The following ATP6V0E1 variants were observed in gnomAD, a reference collection of about 807,000 sequenced individuals.
The protein encoded by ATP6V0E1 is V-type proton ATPase subunit e 1.
Under a neutral mutation model 11.6 loss-of-function variants are expected in ATP6V0E1, and 4 were observed. That is an observed-to-expected ratio of 0.35 (90% confidence interval 0.17 to 0.79). ATP6V0E1 has a LOEUF of 0.79. ATP6V0E1 is among the 30% of genes least tolerant of loss of function. The pLI is 0.54. For synonymous variants in ATP6V0E1, 36 were observed against 34.8 expected (o/e 1.04, Z -0.13); for missense variants, 105 against 100.0 (o/e 1.05, Z -0.21).
intron 2 of ATP6V0E1, among the ~76,000 whole-genome samples, chr5:173,016,771 C>T (rs538561499): frequency 6.6e-6 from 1 of 152,098 alleles, no homozygotes; most frequent in Non-Finnish European, 1.5e-5. Context: ...TCAGTGTGTC[C>T]GCCTGTGCTG....
chr5:173,008,009 C>G (rs1318669195), intron 2 of ATP6V0E1, among the ~76,000 whole-genome samples: 8 of 152,324 alleles, frequency 5.3e-5, no homozygotes, highest in Non-Finnish European at 1.0e-4. Context: ...CAAAGAGGTA[C>G]CACGTTCTGG....
At chr5:172,989,071 G>C (rs1432383614) in intron 1 of ATP6V0E1, among the ~76,000 whole-genome samples, 3 of 152,136 alleles carry the variant, frequency 2.0e-5, no homozygotes, top group Admixed American at 6.6e-5. Context: ...GGCCTGACAT[G>C]GTGGCTCACA....
At chr5:173,025,143 C>CTTT (rs539174415) in intron 3 of ATP6V0E1, among the ~76,000 whole-genome samples, 1 of 103,136 alleles carries the variant, frequency 9.7e-6, no homozygotes, top group Non-Finnish European at 2.0e-5. Context: ...GCCTGGCATT[C>CTTT]TTTTTTTTTT....
At chr5:173,022,674 AC>A (rs1756503573) in intron 3 of ATP6V0E1, among the ~76,000 whole-genome samples, 1 of 151,628 alleles carries the variant, frequency 6.6e-6, no homozygotes, top group African/African-American at 2.4e-5. Context: ...AGTCTCTGTC[AC>A]CCAGCTGGAA....
intron 3 of ATP6V0E1, 83 bp from the exon 4 acceptor site, chr5:173,034,316 C>T: frequency 1.4e-6 from 1 of 695,000 alleles, no homozygotes; most frequent in South Asian, 1.5e-5. Context: ...AAAGTGTTGG[C>T]TTGGTTAACT....
chr5:172,994,329 T>G (rs760163530), intron 1 of ATP6V0E1, among the ~76,000 whole-genome samples: 6 of 152,144 alleles, frequency 3.9e-5, no homozygotes, highest in African/African-American at 9.7e-5. Context: ...TTAGAAATGT[T>G]GAAATTCTGC....
intron 2 of ATP6V0E1, among the ~76,000 whole-genome samples, chr5:173,014,813 GTTTC>G (rs1371934554): frequency 3.9e-5 from 6 of 152,048 alleles, no homozygotes; most frequent in Admixed American, 3.9e-4. Context: ...GAGGAAATAA[GTTTC>G]TTCTATGTTT....
intron 1 of ATP6V0E1, among the ~76,000 whole-genome samples, chr5:172,990,184 A>G (rs1755958789): frequency 6.6e-6 from 1 of 152,076 alleles, no homozygotes; most frequent in Non-Finnish European, 1.5e-5. Context: ...AAAATAGCCT[A>G]CGATCACTTG....
chr5:173,029,901 T>C (rs559132691), intron 3 of ATP6V0E1, among the ~76,000 whole-genome samples: 2 of 152,310 alleles, frequency 1.3e-5, no homozygotes, highest in African/African-American at 4.8e-5. Context: ...TACTTTCCCC[T>C]CCAGGCCCTA....
Position 173,005,127 on chromosome 5 carries a change from C to T in ATP6V0E1, c.152+10305C>T, listed in dbSNP as rs114581847. The stretch of plus-strand genomic sequence containing the variant: ...TGTTTTGGTTATTCTAAAATAGCCA[C>T]ATATATTTTAAAATCAACTAGGCAG... On this transcript the variant is annotated intron_variant, in intron 2 of 3. Transcript: ENST00000519374. 4.9e-3 allele frequency among the ~76,000 whole-genome samples: 738 copies of T among 149,788 alleles called. 7 individuals carry two copies. Among genetic ancestry groups the T allele is most frequent in the African/African-American group, 0.017 (702 of 40,764 alleles).
intron 2 of ATP6V0E1, among the ~76,000 whole-genome samples, chr5:172,998,722 C>T (rs1257397430): frequency 6.6e-6 from 1 of 151,898 alleles, no homozygotes; most frequent in Non-Finnish European, 1.5e-5. Context: ...CTATGGAAAT[C>T]AGTAAGGGAG....
At chr5:173,023,836 C>T (rs1290125988) in intron 3 of ATP6V0E1, among the ~76,000 whole-genome samples, 2 of 151,972 alleles carry the variant, frequency 1.3e-5, no homozygotes, top group Non-Finnish European at 2.9e-5. Flanking sequence ...CAAAGCAAGA[C>T]TCTGTCTCAA....
At chr5:173,028,838 T>A (rs1168956137) in intron 3 of ATP6V0E1, among the ~76,000 whole-genome samples, 1 of 152,222 alleles carries the variant, frequency 6.6e-6, no homozygotes, top group Admixed American at 6.5e-5. Context: ...TATGTGGGAC[T>A]CTAATGTCAA....
At chr5:173,014,904 T>C (rs1325563961) in intron 2 of ATP6V0E1, among the ~76,000 whole-genome samples, 1 of 152,210 alleles carries the variant, frequency 6.6e-6, no homozygotes, top group African/African-American at 2.4e-5. Flanking sequence ...GGACTTGAAA[T>C]GATACCAACA....
chr5:172,994,227 G>C (rs1184497462), intron 1 of ATP6V0E1, among the ~76,000 whole-genome samples: 2 of 152,118 alleles, frequency 1.3e-5, no homozygotes, highest in Non-Finnish European at 2.9e-5. Flanking sequence ...GGGTCGGTTG[G>C]GTGAAAATGG....
Position 173,004,680 on chromosome 5 carries a change from T to C in ATP6V0E1, c.152+9858T>C, listed in dbSNP as rs113617723. 3.7e-3 allele frequency among the ~76,000 whole-genome samples: 565 copies of C among 152,276 alleles called. 2 individuals are homozygous for C. The highest frequency in any genetic ancestry group is 0.013 in the African/African-American group (540 of 41,552). On this transcript the variant is annotated intron_variant, in intron 2 of 3. Coordinates refer to ENST00000519374, the MANE Select transcript of ATP6V0E1 (RefSeq NM_003945.4). ...GTAAAAATTGAGATAAGGAAAGATA[T>C]GAGACCTGTTGAACTTAGTTTTTAT...
At chr5:172,987,253 TATTTAAACATCTGG>T (rs1755910391) in intron 1 of ATP6V0E1, 2 of 158,694 alleles carry the variant, frequency 1.3e-5, no homozygotes, top group Admixed American at 1.3e-4. Context: ...ATTCCATTTG[TATTTAAACATCTGG>T]ATTCCCTGCT....
chr5:172,984,008 G>C (rs1197521965), intron 1 of ATP6V0E1, 44 bp downstream of exon 1: 1 of 1,582,782 alleles, frequency 6.3e-7, no homozygotes, highest in Non-Finnish European at 8.7e-7. Flanking sequence ...GCGGTGAGGA[G>C]CTAGCAGGCC....
intron 1 of ATP6V0E1, among the ~76,000 whole-genome samples, chr5:172,992,226 T>C (rs1755995004): frequency 6.6e-6 from 1 of 152,148 alleles, no homozygotes; most frequent in Admixed American, 6.5e-5. Flanking sequence ...AATTTTTTTG[T>C]ATTTTCAGTA....
Sources: allele counts gnomAD v4.1 joint callset (sites outside exome capture counted in the v4.1 genomes callset), GRCh38; gene constraint gnomAD v4.1.1; transcripts MANE v1.5; gene names NCBI Gene and HGNC (gene_info 2026-07-23, HGNC 2026-07-21).